Variants in ZBED5 observed in about 807,000 individuals in gnomAD.
The protein encoded by ZBED5 is zinc finger BED domain-containing protein 5.
ZBED5 carries 29 observed loss-of-function variants against 49.2 expected under a neutral mutation model. The observed-to-expected ratio is 0.59, with a 90% CI of 0.44 to 0.80. The LOEUF (loss-of-function observed/expected upper bound fraction) is 0.80, where lower values mean the gene tolerates loss of function less well. Among genes scored for constraint, ZBED5 ranks in the 30% least tolerant of loss-of-function variants. The pLI, the probability that ZBED5 is intolerant of heterozygous loss-of-function variation, is 0.00. For missense variants in ZBED5, 775 were observed against 812.9 expected, an observed-to-expected ratio of 0.95 and a Z score of 0.57; for synonymous variants, 281 against 292.5, an observed-to-expected ratio of 0.96 and a Z score of 0.40.
In ZBED5 at chr11:10,854,205, A is replaced by G. The variant is rs1274881467; in HGVS notation, c.741T>C (p.Thr247=). The change falls in exon 3 of 3, where the codon ACT becomes ACC. Residue 247 remains threonine, a synonymous_variant. Coordinates refer to ENST00000413761, the MANE Select transcript of ZBED5 (RefSeq NM_001143667.2). The surrounding 1 kb of genome is among the most constrained non-coding windows in gnomAD (Gnocchi z 5.0). ...KIDAVQLSNS[T]VARRIKDLAA... ...CTAGATCCTTAATTCGACGTGCAACAGTACTGTTTGATAGCTGTACTGCAT... is the reference window on the plus strand; with the variant it reads ...CTAGATCCTTAATTCGACGTGCAACGGTACTGTTTGATAGCTGTACTGCAT... 4 of 1,551,036 alleles carry G rather than the reference A, an allele frequency of 2.6e-6. No individual in the cohort carries two copies. Among genetic ancestry groups the G allele is most frequent in the African/African-American group, 2.7e-5 (2 of 73,004 alleles).
At position 10,853,457 on chromosome 11, in the gene ZBED5, T is replaced by A. The variant is rs1465409411; in HGVS notation, c.1489A>T (p.Thr497Ser). 1 of 1,550,428 alleles carries A rather than the reference T, an allele frequency of 6.4e-7. No individual in the cohort carries two copies. Among genetic ancestry groups the A allele is most frequent in the Non-Finnish European group, 8.7e-7 (1 of 1,146,512 alleles). The change falls in exon 3 of 3, where the codon ACC becomes TCC. Residue 497 changes from threonine to serine, a missense_variant. Thr to Ser is a moderately conservative substitution (Grantham distance 58). Transcript: ENST00000413761. This position sits in a 1 kb window ranked among gnomAD's most constrained non-coding sequence, Gnocchi z 5.4. Reference sequence around the variant, plus strand: ...ATTTTATCAAATACTGTAAAAACGGTCACATTTTTTCCTTGCATTGACAAA... The same window carrying A: ...ATTTTATCAAATACTGTAAAAACGGACACATTTTTTCCTTGCATTGACAAA... ...VNLSMQGKNV[T>S]VFTVFDKMSS...
In ZBED5 at chr11:10,852,765, T is replaced by G; in HGVS notation, c.*99A>C. Reference sequence around the variant, plus strand: ...ATCTAAATAGTATAAAAAAATGGAATCATTTTATTTAAATCCCCCAAATAC... The same window carrying G: ...ATCTAAATAGTATAAAAAAATGGAAGCATTTTATTTAAATCCCCCAAATAC... On this transcript the variant is annotated 3_prime_UTR_variant, in exon 3 of 3. Transcript: ENST00000413761. 2.9e-6 allele frequency: 4 copies of G among 1,401,712 alleles called. No individual in the cohort carries two copies. Among genetic ancestry groups the G allele is most frequent in the African/African-American group, 1.4e-5 (1 of 69,406 alleles). The allele number at this position is 1,401,712 out of a possible 1,614,324, so 86.8% of individuals were successfully genotyped here.
Position 10,852,835 on chromosome 11 carries a change from T to C in ZBED5, c.*29A>G, listed in dbSNP as rs560013337. On this transcript the variant is annotated 3_prime_UTR_variant, in exon 3 of 3. Coordinates refer to ENST00000413761, the MANE Select transcript of ZBED5 (RefSeq NM_001143667.2). ...CTTTTATTTTCATCTTACATTTGGT[T>C]ATCATGAGACATGCAAACTCCTCCA... The C allele has an allele frequency of 1.4e-5, 20 of 1,472,954 alleles. No individual in the cohort carries two copies. The African/African-American group carries it at 2.8e-4, about 21-fold the overall frequency. The allele number at this position is 1,472,954 out of a possible 1,614,324, so 91.2% of individuals were successfully genotyped here.
intron 2 of ZBED5, 76 bp downstream of exon 2, chr11:10,856,068 T>C (rs1375518310): frequency 1.3e-5 from 2 of 152,192 alleles, no homozygotes; most frequent in Non-Finnish European, 2.9e-5. Context: ...AACCTGGCTA[T>C]AGAGTAAGTT....
chr11:10,856,442 C>T (rs1191451642), intron 1 of ZBED5, among the ~76,000 whole-genome samples, 185 bp from the exon 2 acceptor site: 2 of 152,160 alleles, frequency 1.3e-5, no homozygotes, highest in Non-Finnish European at 2.9e-5. Context: ...TGTTCAATAT[C>T]TTGGCAATTT....
chr11:10,853,559 CAG>C lies in ZBED5; in HGVS notation c.1385_1386del (p.Ser462Ter). 7.7e-6 allele frequency: 12 copies of C among 1,549,998 alleles called. No individual in the cohort carries two copies. The highest frequency in any genetic ancestry group is 1.0e-5 in the Non-Finnish European group (12 of 1,146,114). ...LVFMDSAFRL[S>X]DCLTNSSWLL... ...AGCCAAGATGAATTTGTTAAACAAT[CAG>C]ATAGTCGAAAAGCAGAATCCATGAA... On this transcript the variant is annotated frameshift_variant, in exon 3 of 3. Transcript: ENST00000413761. LOFTEE classifies it high-confidence loss of function. The surrounding 1 kb of genome is among the most constrained non-coding windows in gnomAD (Gnocchi z 5.4).
chr11:10,856,033 T>C (rs1468193960), intron 2 of ZBED5, 111 bp downstream of exon 2: 1 of 152,178 alleles, frequency 6.6e-6, no homozygotes, highest in Admixed American at 6.5e-5. Context: ...TGTCCAAATA[T>C]AGCTACTTTT....
Position 10,854,712 on chromosome 11 carries a change from T to C in ZBED5, c.234A>G (p.Ser78=). ...LQSEDKQLQP[S]VSKKSEGELS... is the part of the protein sequence containing the mutation. Reference sequence around the variant, plus strand: ...GCTCACCTTCTGATTTTTTAGAAACTGAAGGTTGCAACTGCTTATCTTCAC... The same window carrying C: ...GCTCACCTTCTGATTTTTTAGAAACCGAAGGTTGCAACTGCTTATCTTCAC... Residue 78 remains serine (S), a synonymous_variant, in exon 3 of 3, where the codon TCA becomes TCG. Transcript: ENST00000413761. This position sits in a 1 kb window ranked among gnomAD's most constrained non-coding sequence, Gnocchi z 5.0. 6.4e-7 allele frequency: 1 copy of C among 1,551,608 alleles called. No individual in the cohort carries two copies. The highest frequency in any genetic ancestry group is 8.7e-7 in the Non-Finnish European group (1 of 1,146,936).
In ZBED5 at chr11:10,853,271, T is replaced by G; in HGVS notation, c.1675A>C (p.Thr559Pro). ...IVQHLRGLRA[T>P]LLKYFPVTND... ...GTTACAGGAAAGTATTTTAACAGAG[T>G]AGCGCGCAAACCCCTTAGGTGCTGC... Residue 559 changes from threonine to proline, a missense_variant, in exon 3 of 3, where the codon ACT becomes CCT. Physicochemically the swap from Thr to Pro is conservative, Grantham distance 38. Transcript: ENST00000413761. The surrounding 1 kb of genome is among the most constrained non-coding windows in gnomAD (Gnocchi z 5.4). 2 of 1,551,536 alleles carry G rather than the reference T, an allele frequency of 1.3e-6. No individual in the cohort carries two copies. The highest frequency in any genetic ancestry group is 1.7e-6 in the Non-Finnish European group (2 of 1,146,906).
At position 10,854,309 on chromosome 11, in the gene ZBED5, T is replaced by G. The variant is rs1250091839; in HGVS notation, c.637A>C (p.Ile213Leu). The change falls in exon 3 of 3, where the codon ATT (isoleucine) becomes CTT (leucine). Residue 213 changes from isoleucine to leucine, a missense_variant. Transcript: ENST00000413761. This position sits in a 1 kb window ranked among gnomAD's most constrained non-coding sequence, Gnocchi z 5.0. The stretch of plus-strand genomic sequence containing the variant: ...CAAGGTTTGATAAGCAATTCTCCAA[T>G]AGTATGAGCCTCTCCACTCAGCGCT... Reference protein sequence around the residue: ...HIALSGEAHTIGELLIKPCAK... With the variant: ...HIALSGEAHTLGELLIKPCAK... 1.9e-6 allele frequency: 3 copies of G among 1,550,760 alleles called. No homozygotes were observed. The highest frequency in any genetic ancestry group is 8.7e-7 in the Non-Finnish European group (1 of 1,146,940).
chr11:10,855,107 T>C lies in ZBED5; in HGVS notation c.-141-21A>G. 1.2e-6 allele frequency: 1 copy of C among 805,238 alleles called. No individual in the cohort carries two copies. The highest frequency in any genetic ancestry group is 1.9e-6 in the Non-Finnish European group (1 of 536,764). The allele number at this position is 805,238 out of a possible 1,614,324, so 49.9% of individuals were successfully genotyped here. A position where few individuals can be genotyped will look rare whatever the true frequency, so the allele number is the denominator to read the frequency against. On this transcript the variant is annotated intron_variant, in intron 2 of 2. Transcript: ENST00000413761. The surrounding 1 kb of genome is among the most constrained non-coding windows in gnomAD (Gnocchi z 4.1). ...CTTTTCTTAAAGGTAGATTATCACATAAAAATAAAAGCTATAGAAATGAGT... is the reference window on the plus strand; with the variant it reads ...CTTTTCTTAAAGGTAGATTATCACACAAAAATAAAAGCTATAGAAATGAGT...
At position 10,855,114 on chromosome 11, in the gene ZBED5, A is replaced by G; in HGVS notation, c.-141-28T>C. 1 of 781,978 alleles carries G rather than the reference A, an allele frequency of 1.3e-6. No homozygotes were observed. Among genetic ancestry groups the G allele is most frequent in the Non-Finnish European group, 1.9e-6 (1 of 515,480 alleles). 48.4% of individuals were successfully genotyped at this position (781,978 alleles called of 1,614,324 possible). A position where few individuals can be genotyped will look rare whatever the true frequency, so the allele number is the denominator to read the frequency against. Reference sequence around the variant, plus strand: ...TAAAGGTAGATTATCACATAAAAATAAAAGCTATAGAAATGAGTTTAGCAG... The same window carrying G: ...TAAAGGTAGATTATCACATAAAAATGAAAGCTATAGAAATGAGTTTAGCAG... On this transcript the variant is annotated intron_variant, in intron 2 of 2. Coordinates refer to ENST00000413761, the MANE Select transcript of ZBED5 (RefSeq NM_001143667.2). The surrounding 1 kb of genome is among the most constrained non-coding windows in gnomAD (Gnocchi z 4.1).
intron 1 of ZBED5, among the ~76,000 whole-genome samples, chr11:10,856,941 T>TA (rs1848189909): frequency 6.6e-6 from 1 of 152,136 alleles, no homozygotes; most frequent in South Asian, 2.1e-4. Flanking sequence ...CCCCAACTAC[T>TA]AAAAAATCTC....
rs1848118645 is a variant in ZBED5, at chr11:10,852,882, TTG to T, written c.2062_2063del (p.Gln688LysfsTer47). 6.5e-7 allele frequency: 1 copy of T among 1,537,254 alleles called. No individual in the cohort carries two copies. Among genetic ancestry groups the T allele is most frequent in the Admixed American group, 2.0e-5 (1 of 50,566 alleles). On this transcript the variant is annotated frameshift_variant, in exon 3 of 3. Transcript: ENST00000413761. LOFTEE classifies it high-confidence loss of function. The part of the protein sequence containing the change: ...NIKRICDKKT[Q>X]KHCSH ...TCCAATTTTAATGAGAACAGTGTTT[TTG>T]TGTCTTTTTATCACATATCCGCTTA...
In ZBED5 at chr11:10,853,199, TA is replaced by T. The variant is rs1208209634; in HGVS notation, c.1746del (p.Lys583AsnfsTer5). 40 of 1,551,572 alleles carry T rather than the reference TA, an allele frequency of 2.6e-5. 1 individual carries two copies. The highest frequency in any genetic ancestry group is 9.8e-5 in the Admixed American group (5 of 50,978). On this transcript the variant is annotated frameshift_variant, in exon 3 of 3. Transcript: ENST00000413761. LOFTEE classifies it high-confidence loss of function. This position sits in a 1 kb window ranked among gnomAD's most constrained non-coding sequence, Gnocchi z 5.4. ...TCCCGTGCTACTAATGAAGCTGGTT[TA>T]ACAGTAACTGTAAATGGATTTCTAA... ...AWVRNPFTVT[V>X]KPASLVARDY... is the part of the protein sequence containing the mutation.
At position 10,855,349 on chromosome 11, in the gene ZBED5, G is replaced by A. The variant is rs1055309244; in HGVS notation, c.-141-263C>T. Among the ~76,000 whole-genome samples, 2 of 152,100 alleles carry A rather than the reference G, an allele frequency of 1.3e-5. No individual in the cohort carries two copies. Among genetic ancestry groups the A allele is most frequent in the African/African-American group, 2.4e-5 (1 of 41,402 alleles). The stretch of plus-strand genomic sequence containing the variant: ...CCTGAAGAATATGTCCCATGGCAGG[G>A]GTTGGCAGGCTTTTTTTGGTCAAGG... On this transcript the variant is annotated intron_variant, in intron 2 of 2. Transcript: ENST00000413761. The surrounding 1 kb of genome is among the most constrained non-coding windows in gnomAD (Gnocchi z 4.1).
In ZBED5 at chr11:10,857,253, A is replaced by G. The variant is rs1194674002; in HGVS notation, c.-256+609T>C. ...CGAAGGTGTTTCCCCGAATTTCTCG[A>G]GGACAAAGAATCTGGACTCCTTTGA... On this transcript the variant is annotated intron_variant, in intron 1 of 2. Transcript: ENST00000413761. This position sits in a 1 kb window ranked among gnomAD's most constrained non-coding sequence, Gnocchi z 6.3. The G allele has an allele frequency of 6.6e-6, 1 of 152,242 alleles. No homozygotes were observed. The highest frequency in any genetic ancestry group is 1.5e-5 in the Non-Finnish European group (1 of 68,050). 9.4% of individuals were successfully genotyped at this position (152,242 alleles called of 1,614,324 possible). A position where few individuals can be genotyped will look rare whatever the true frequency, so the allele number is the denominator to read the frequency against.
rs1848177564 is a variant in ZBED5, at chr11:10,856,147, A to C, written c.-145T>G. On this transcript the variant is annotated 5_prime_UTR_variant, in exon 2 of 3. Coordinates refer to ENST00000413761, the MANE Select transcript of ZBED5 (RefSeq NM_001143667.2). ...TAAGGGGTAGAGGATAAGATACCTG[A>C]AATAAGGTGTTCTCCTTTCTGTAAT... 2 of 152,134 alleles carry C rather than the reference A, an allele frequency of 1.3e-5. No homozygotes were observed. Among genetic ancestry groups the C allele is most frequent in the African/African-American group, 4.8e-5 (2 of 41,414 alleles). 9.4% of individuals were successfully genotyped at this position (152,134 alleles called of 1,614,324 possible).
chr11:10,856,908 G>C (rs1848189460), intron 1 of ZBED5, among the ~76,000 whole-genome samples: 2 of 152,146 alleles, frequency 1.3e-5, no homozygotes, highest in Middle Eastern at 3.2e-3. Flanking sequence ...CCATTACTTG[G>C]GTGTTCCTGA....
Sources: gnomAD v4.1 joint callset for allele counts (sites outside exome capture counted in the v4.1 genomes callset) on GRCh38, gnomAD v4.1.1 for gene constraint, Gnocchi (gnomAD v3.1) non-coding constraint, MANE v1.5 for transcripts, NCBI Gene and HGNC (gene_info 2026-07-23, HGNC 2026-07-21) for gene names.